DCC: variants seen among roughly 807,000 people sequenced by gnomAD.
DCC encodes the protein DCC netrin 1 receptor.
A neutral mutation model predicts 172.5 loss-of-function variants in DCC; 58 were observed. That is an observed-to-expected ratio of 0.34 (90% CI 0.27 to 0.42). The LOEUF (loss-of-function observed/expected upper bound fraction) is 0.42. Among genes scored for constraint, DCC ranks in the 10% least tolerant of loss-of-function variants. The probability of loss-of-function intolerance (pLI) is 1.00; values close to 1 mark genes in which losing one functional copy is unlikely to be tolerated. For synonymous variants in DCC, 709 were observed against 644.5 expected (o/e 1.10, Z -1.52); for missense variants, 1,740 against 1,791.0 (o/e 0.97, Z 0.51).
intron 12 of DCC, among the ~76,000 whole-genome samples, chr18:53,235,370 C>T (rs565011379): frequency 1.1e-4 from 16 of 152,256 alleles, no homozygotes; most frequent in Admixed American, 9.8e-4. Context: ...TTTAGAATGA[C>T]ATGTGATGCT....
Position 53,192,018 on chromosome 18 carries a change from C to T in DCC, c.1573+12902C>T, listed in dbSNP as rs1219540423. On this transcript the variant is annotated intron_variant, in intron 9 of 28. Coordinates refer to ENST00000442544, the MANE Select transcript of DCC (RefSeq NM_005215.4). ...CTATCTCTGAACAAGCCCAAACCTT[C>T]CATGTGGTTAATAAACTTCTTATCT... Among the ~76,000 whole-genome samples, 5 of 152,172 alleles carry T rather than the reference C, an allele frequency of 3.3e-5. No homozygotes were observed. In the East Asian group the frequency reaches 9.6e-4, roughly 29 times the overall value.
chr18:53,131,264 TTC>T (rs2144319717), intron 7 of DCC, among the ~76,000 whole-genome samples: 1 of 152,260 alleles, frequency 6.6e-6, no homozygotes, highest in South Asian at 2.1e-4. Flanking sequence ...TTTTTCTTTA[TTC>T]TCTCAAGAAG....
intron 1 of DCC, among the ~76,000 whole-genome samples, chr18:52,748,781 G>A (rs1057439085): frequency 7.2e-5 from 11 of 152,228 alleles, no homozygotes; most frequent in African/African-American, 1.2e-4. Flanking sequence ...ATCTCTGGGC[G>A]GAGAGGCGAT....
At chr18:52,731,735 C>A (rs1011252950) in intron 1 of DCC, among the ~76,000 whole-genome samples, 2 of 152,142 alleles carry the variant, frequency 1.3e-5, no homozygotes, top group East Asian at 3.8e-4. Flanking sequence ...CATATTACTG[C>A]ATTTTCTTCC....
intron 13 of DCC, among the ~76,000 whole-genome samples, chr18:53,306,106 T>C (rs2057197306): frequency 6.6e-6 from 1 of 152,100 alleles, no homozygotes; most frequent in Admixed American, 6.6e-5. Context: ...GGGGTGAGAA[T>C]GGGTTGAAAA....
intron 15 of DCC, among the ~76,000 whole-genome samples, chr18:53,369,961 T>G (rs757780699): frequency 6.6e-6 from 1 of 151,804 alleles, no homozygotes; most frequent in Non-Finnish European, 1.5e-5. Flanking sequence ...AATAGGAAAA[T>G]GCTGGCCTCA....
intron 1 of DCC, among the ~76,000 whole-genome samples, chr18:52,384,844 A>G (rs1985728249): frequency 6.6e-6 from 1 of 152,186 alleles, no homozygotes; most frequent in Admixed American, 6.5e-5. Context: ...GAGACCTTTC[A>G]CAATCCCCAA....
At chr18:52,554,683 C>G (rs576370871) in intron 1 of DCC, among the ~76,000 whole-genome samples, 21 of 152,182 alleles carry the variant, frequency 1.4e-4, no homozygotes, top group Admixed American at 3.9e-4. Flanking sequence ...AGACAATGGT[C>G]TCATTCTTCT....
chr18:52,357,729 G>T (rs1984431010), intron 1 of DCC, among the ~76,000 whole-genome samples: 1 of 152,004 alleles, frequency 6.6e-6, no homozygotes, highest in African/African-American at 2.4e-5. Flanking sequence ...GAGGTCAGGA[G>T]ATCAAGACCA....
chr18:52,532,528 C>T (rs2040695219), intron 1 of DCC, among the ~76,000 whole-genome samples: 1 of 152,154 alleles, frequency 6.6e-6, no homozygotes, highest in African/African-American at 2.4e-5. Flanking sequence ...AAGACATATT[C>T]TGGGAGCTGG....
At chr18:53,408,929 G>A (rs774769421) in intron 19 of DCC, among the ~76,000 whole-genome samples, 20 of 152,142 alleles carry the variant, frequency 1.3e-4, no homozygotes, top group Non-Finnish European at 2.1e-4. Context: ...ATCCAGTGAC[G>A]CATCCCCCAA....
chr18:52,507,962 A>G (rs531677047), intron 1 of DCC, among the ~76,000 whole-genome samples: 58 of 152,112 alleles, frequency 3.8e-4, no homozygotes, highest in Non-Finnish European at 7.8e-4. Flanking sequence ...TTAGCCGTGC[A>G]TGGTGGCAGG....
At chr18:52,482,516 T>C (rs866406228) in intron 1 of DCC, among the ~76,000 whole-genome samples, 2 of 152,180 alleles carry the variant, frequency 1.3e-5, no homozygotes, top group Admixed American at 6.5e-5. Flanking sequence ...CAGTGTCTGA[T>C]GAGAGCTGTT....
chr18:52,685,460 C>T (rs2035815622), intron 1 of DCC, among the ~76,000 whole-genome samples: 1 of 152,020 alleles, frequency 6.6e-6, no homozygotes, highest in African/African-American at 2.4e-5. Context: ...ATTTTGATTC[C>T]CAGTTATGAC....
intron 9 of DCC, among the ~76,000 whole-genome samples, chr18:53,192,979 T>C (rs2144516629): frequency 6.6e-6 from 1 of 152,316 alleles, no homozygotes; most frequent in South Asian, 2.1e-4. Context: ...ATCCAAGTCC[T>C]GTTGATTTTA....
intron 1 of DCC, among the ~76,000 whole-genome samples, chr18:52,587,064 C>T (rs559667997): frequency 2.6e-4 from 39 of 152,280 alleles, no homozygotes; most frequent in Admixed American, 1.2e-3. Flanking sequence ...AACCCATAGC[C>T]GTAGTAAGTG....
At chr18:53,288,525 T>G in intron 12 of DCC, among the ~76,000 whole-genome samples, 1 of 152,172 alleles carries the variant, frequency 6.6e-6, no homozygotes, top group East Asian at 1.9e-4. Flanking sequence ...GAGTAATTAT[T>G]TTGGAATAGT....
At chr18:52,867,812 A>G (rs1357885194) in intron 2 of DCC, among the ~76,000 whole-genome samples, 2 of 152,090 alleles carry the variant, frequency 1.3e-5, no homozygotes, top group African/African-American at 4.8e-5. Flanking sequence ...TGCAATGTGG[A>G]GTAGACTTCA....
intron 1 of DCC, among the ~76,000 whole-genome samples, chr18:52,362,002 C>T (rs901550645): frequency 2.0e-5 from 3 of 152,214 alleles, no homozygotes; most frequent in Non-Finnish European, 4.4e-5. Context: ...ACATTCTCAT[C>T]CATACCTCTG....
Sources: gnomAD v4.1 joint callset for allele counts (sites outside exome capture counted in the v4.1 genomes callset) on GRCh38, gnomAD v4.1.1 for gene constraint, MANE v1.5 for transcripts, NCBI Gene and HGNC (gene_info 2026-07-23, HGNC 2026-07-21) for gene names.